The following GRIA1 variants were observed in gnomAD, a reference collection of about 807,000 sequenced individuals.
The protein encoded by GRIA1 is glutamate ionotropic receptor AMPA type subunit 1, also known as glutamate receptor 1.
GRIA1 carries 31 observed loss-of-function variants against 99.2 expected under a neutral mutation model. The ratio of observed to expected loss-of-function variants is 0.31; its 90% CI spans 0.23 to 0.42. The LOEUF is 0.42. Ranked by LOEUF, GRIA1 falls within the 10% of genes least tolerant of loss-of-function variation. The pLI, the probability that GRIA1 is intolerant of heterozygous loss-of-function variation, is 1.00. For synonymous variants in GRIA1, 438 were observed against 432.4 expected, an observed-to-expected ratio of 1.01 and a Z score of -0.16; for missense variants, 782 against 1,157.5, an observed-to-expected ratio of 0.68 and a Z score of 4.71.
chr5:153,515,172 C>T (rs2113337723), intron 2 of GRIA1, among the ~76,000 whole-genome samples: 1 of 152,178 alleles, frequency 6.6e-6, no homozygotes, highest in Non-Finnish European at 1.5e-5. Flanking sequence ...AATATCTGCA[C>T]TCTCATGTTC....
At chr5:153,692,187 G>C (rs1757813724) in intron 8 of GRIA1, among the ~76,000 whole-genome samples, 1 of 152,084 alleles carries the variant, frequency 6.6e-6, no homozygotes. Flanking sequence ...AAGCCACCTT[G>C]GAAACGACAT....
intron 13 of GRIA1, among the ~76,000 whole-genome samples, chr5:153,792,628 T>C (rs1265497138): frequency 6.6e-6 from 1 of 152,214 alleles, no homozygotes; most frequent in Non-Finnish European, 1.5e-5. Context: ...TGAGCCTCTC[T>C]CAGGAAAAAT....
At chr5:153,629,122 G>C (rs1752743788) in intron 2 of GRIA1, among the ~76,000 whole-genome samples, 1 of 152,236 alleles carries the variant, frequency 6.6e-6, no homozygotes, top group African/African-American at 2.4e-5. Context: ...TCACAGGCCA[G>C]TGCCCTGGAT....
At chr5:153,559,840 G>A (rs1217986458) in intron 2 of GRIA1, among the ~76,000 whole-genome samples, 1 of 151,908 alleles carries the variant, frequency 6.6e-6, no homozygotes, top group Non-Finnish European at 1.5e-5. Flanking sequence ...AAAAAAAATT[G>A]CCTGACTTTT....
chr5:153,512,717 C>A (rs1008748235), intron 2 of GRIA1, among the ~76,000 whole-genome samples: 2 of 152,202 alleles, frequency 1.3e-5, no homozygotes, highest in Non-Finnish European at 1.5e-5. Context: ...CATCTAATTG[C>A]GTTTAAACTT....
chr5:153,778,521 A>C lies in GRIA1; in HGVS notation c.2270+8106A>C, dbSNP rs561307030. On this transcript the variant is annotated intron_variant, in intron 13 of 15. Transcript: ENST00000285900. ...GTAATATTGTTTTCACCTTCATCAC[A>C]TAATTCAACCTGATTCCAGACCTCT... Among the ~76,000 whole-genome samples the C allele has an allele frequency of 2.0e-5, 3 of 152,228 alleles. No individual in the cohort carries two copies. In the South Asian group the frequency reaches 6.2e-4, roughly 32 times the overall value.
At chr5:153,581,071 G>A (rs17591692) in intron 2 of GRIA1, among the ~76,000 whole-genome samples, 7 of 152,168 alleles carry the variant, frequency 4.6e-5, no homozygotes, top group African/African-American at 1.4e-4. Flanking sequence ...AGCTCACTTC[G>A]AAGTCTGGCA....
intron 11 of GRIA1, among the ~76,000 whole-genome samples, chr5:153,738,650 C>T (rs191288653): frequency 6.6e-6 from 1 of 151,300 alleles, no homozygotes; most frequent in Non-Finnish European, 1.5e-5. Context: ...ACCCTTGCTG[C>T]CATGATGTAA....
chr5:153,504,947 G>A (rs753979860), intron 2 of GRIA1, among the ~76,000 whole-genome samples: 9 of 152,242 alleles, frequency 5.9e-5, no homozygotes, highest in South Asian at 2.1e-4. Flanking sequence ...CAAATCTGAT[G>A]AGCCCACACC....
chr5:153,767,027 C>T (rs1425414934), intron 12 of GRIA1, among the ~76,000 whole-genome samples: 1 of 152,054 alleles, frequency 6.6e-6, no homozygotes, highest in East Asian at 1.9e-4. Context: ...ATTCTGAGGT[C>T]ACATCTGGGC....
chr5:153,618,493 G>C (rs574849280), intron 2 of GRIA1, among the ~76,000 whole-genome samples: 1 of 152,172 alleles, frequency 6.6e-6, no homozygotes, highest in African/African-American at 2.4e-5. Flanking sequence ...CAGCAGGTGG[G>C]TGTAGACTGG....
At chr5:153,700,214 A>C (rs1337947087) in intron 10 of GRIA1, among the ~76,000 whole-genome samples, 1 of 152,060 alleles carries the variant, frequency 6.6e-6, no homozygotes, top group Admixed American at 6.5e-5. Flanking sequence ...GTGAAACCCC[A>C]TCTCTACCAA....
chr5:153,649,456 G>A (rs560380176), intron 3 of GRIA1, among the ~76,000 whole-genome samples: 2 of 151,790 alleles, frequency 1.3e-5, no homozygotes, highest in South Asian at 4.2e-4. Context: ...TAGTTAGTTA[G>A]TTAGTTAGTT....
intron 2 of GRIA1, among the ~76,000 whole-genome samples, chr5:153,598,252 C>A (rs1299522489): frequency 2.0e-5 from 3 of 151,736 alleles, no homozygotes; most frequent in Non-Finnish European, 2.9e-5. Flanking sequence ...AGGGAGAATG[C>A]AAGAATAGGA....
intron 2 of GRIA1, among the ~76,000 whole-genome samples, chr5:153,625,606 G>T (rs1323863378): frequency 6.6e-6 from 1 of 152,192 alleles, no homozygotes; most frequent in Non-Finnish European, 1.5e-5. Context: ...AGACTATGTT[G>T]TATGCTGGAA....
chr5:153,802,376 C>T lies in GRIA1; in HGVS notation c.2406C>T (p.Ser802=), dbSNP rs763256125. 9.9e-6 allele frequency: 16 copies of T among 1,613,804 alleles called. No homozygotes were observed. In the Admixed American group the frequency reaches 2.3e-4, roughly 24 times the overall value. The stretch of plus-strand genomic sequence containing the variant: ...CTTAGGACAAGACAAGCGCTCTGAG[C>T]CTCAGCAATGTGGCAGGCGTGTTCT... ...GDSKDKTSAL[S]LSNVAGVFYI... is the part of the protein sequence containing the mutation. The change falls in exon 15 of 16, where the codon AGC becomes AGT. Residue 802 remains serine (S), a synonymous_variant. Transcript: ENST00000285900.
intron 11 of GRIA1, among the ~76,000 whole-genome samples, chr5:153,737,967 C>T (rs946320013): frequency 5.9e-5 from 9 of 152,188 alleles, no homozygotes; most frequent in Admixed American, 3.9e-4. Context: ...TAAAAGTTAA[C>T]TGCTAAGAGG....
intron 5 of GRIA1, among the ~76,000 whole-genome samples, chr5:153,657,733 A>G (rs531700141): frequency 6.6e-6 from 1 of 152,264 alleles, no homozygotes; most frequent in East Asian, 1.9e-4. Flanking sequence ...TTCTTCAACT[A>G]ACTTGTCTTG....
At chr5:153,592,260 G>A (rs963326078) in intron 2 of GRIA1, among the ~76,000 whole-genome samples, 2 of 152,230 alleles carry the variant, frequency 1.3e-5, no homozygotes, top group Non-Finnish European at 1.5e-5. Flanking sequence ...GAGTGTCCCT[G>A]AAACTAGTAG....
Sources: allele counts gnomAD v4.1 joint callset (sites outside exome capture counted in the v4.1 genomes callset), GRCh38; gene constraint gnomAD v4.1.1; transcripts MANE v1.5; gene names NCBI Gene and HGNC (gene_info 2026-07-23, HGNC 2026-07-21).